The following NSMAF variants were observed in gnomAD, a reference collection of about 807,000 sequenced individuals.
NSMAF encodes protein FAN.
NSMAF carries 90 observed loss-of-function variants against 134.9 expected under a neutral mutation model. The ratio of observed to expected loss-of-function variants is 0.67; its 90% confidence interval spans 0.56 to 0.79. NSMAF has a LOEUF of 0.79. Ranked by LOEUF, NSMAF falls within the 30% of genes least tolerant of loss-of-function variation. The pLI is 0.00. For synonymous variants in NSMAF, 358 were observed against 389.6 expected (o/e 0.92, Z 0.96); for missense variants, 1,010 against 1,119.0 (o/e 0.90, Z 1.39).
In NSMAF at chr8:58,586,008, A is replaced by G; in HGVS notation, c.2447-8T>C. 2 of 1,595,848 alleles carry G rather than the reference A, an allele frequency of 1.3e-6. No homozygotes were observed. Among genetic ancestry groups the G allele is most frequent in the Non-Finnish European group, 1.7e-6 (2 of 1,163,698 alleles). On this transcript the variant is annotated splice_region_variant and splice_polypyrimidine_tract_variant and intron_variant, in intron 28 of 30. Transcript: ENST00000038176. The stretch of plus-strand genomic sequence containing the variant: ...TGAGGACATGGCGACTATCTGCAAC[A>G]CAAGGTGAGACTCAGATATGAGTGA...
chr8:58,657,079 C>A (rs1807732929), intron 1 of NSMAF, among the ~76,000 whole-genome samples: 1 of 152,160 alleles, frequency 6.6e-6, no homozygotes, highest in Non-Finnish European at 1.5e-5. Context: ...ATACACCACA[C>A]CAAGACCTGT....
At chr8:58,606,964 G>A (rs1806423746) in intron 11 of NSMAF, among the ~76,000 whole-genome samples, 1 of 152,194 alleles carries the variant, frequency 6.6e-6, no homozygotes, top group Non-Finnish European at 1.5e-5. Context: ...CCCAAAAGAG[G>A]AGATTTTTAA....
rs1806840147 is a variant in NSMAF at position 58,623,490 on chromosome 8, A to G, written c.457-66T>C. 3.4e-6 allele frequency: 5 copies of G among 1,487,054 alleles called. No individual in the cohort carries two copies. The South Asian group carries it at 5.8e-5, about 17-fold the overall frequency. The allele number at this position is 1,487,054 out of a possible 1,614,324, so 92.1% of individuals were successfully genotyped here. A position where few individuals can be genotyped will look rare whatever the true frequency, so the allele number is the denominator to read the frequency against. The stretch of plus-strand genomic sequence containing the variant: ...AGATGATATGAAGTATTTCTTTAGA[A>G]GCAATGAGAAACAGCAATCATTCTG... On this transcript the variant is annotated intron_variant, in intron 7 of 30. Coordinates refer to ENST00000038176, the MANE Select transcript of NSMAF (RefSeq NM_003580.4).
At chr8:58,604,312 G>A (rs1463516744) in intron 12 of NSMAF, among the ~76,000 whole-genome samples, 7 of 151,966 alleles carry the variant, frequency 4.6e-5, no homozygotes, top group Admixed American at 1.3e-4. Context: ...GGATATTTTA[G>A]ATCATGGCAA....
Position 58,597,498 on chromosome 8 carries a change from C to T in NSMAF, c.1681G>A (p.Gly561Arg), listed in dbSNP as rs750611167. The change falls in exon 21 of 31, where the codon GGG becomes AGG. Residue 561 changes from glycine (G) to arginine (R), a missense_variant. By Grantham distance (125) the Gly-to-Arg change is moderately radical (BLOSUM62 -2). Coordinates refer to ENST00000038176, the MANE Select transcript of NSMAF (RefSeq NM_003580.4). The part of the protein sequence containing the change: ...VAMLTQILEF[G>R]QTPKQLFVTP... ...ACAAATAGTTGTTTTGGTGTCTGCC[C>T]AAATTCCAAGATTTGCGTAAGCATG... 5 of 1,614,154 alleles carry T rather than the reference C, an allele frequency of 3.1e-6. No individual in the cohort carries two copies. Among genetic ancestry groups the T allele is most frequent in the South Asian group, 1.1e-5 (1 of 91,080 alleles).
At chr8:58,637,332 G>T (rs1393847347) in intron 2 of NSMAF, 2 of 456,076 alleles carry the variant, frequency 4.4e-6, no homozygotes, top group African/African-American at 4.0e-5. Context: ...CTTTCAGTGG[G>T]AAGTGGTATT....
intron 1 of NSMAF, among the ~76,000 whole-genome samples, chr8:58,652,137 G>A (rs1199190277): frequency 6.6e-6 from 1 of 151,910 alleles, no homozygotes; most frequent in South Asian, 2.1e-4. Flanking sequence ...TTAGCTTTAG[G>A]AAGCTCAAGC....
At chr8:58,623,316 A>T in intron 8 of NSMAF, 44 bp from the exon 9 acceptor site, 1 of 1,601,184 alleles carries the variant, frequency 6.2e-7, no homozygotes, top group Non-Finnish European at 8.6e-7. Context: ...AAGTATTTAT[A>T]AGTAAAATAT....
intron 9 of NSMAF, among the ~76,000 whole-genome samples, chr8:58,611,282 C>A (rs1461685012): frequency 6.6e-6 from 1 of 152,156 alleles, no homozygotes; most frequent in Non-Finnish European, 1.5e-5. Flanking sequence ...TGGCTCACAC[C>A]TGTAATCCCA....
rs930766414 is a variant in NSMAF, at chr8:58,585,510, A to G, written c.2659+142T>C. ...CGAGATGCAGATCACCTGGCCAATC[A>G]AGAGGCTCCAGGGACATGTTTACGA... On this transcript the variant is annotated intron_variant, in intron 30 of 30. Transcript: ENST00000038176. The G allele has an allele frequency of 8.0e-6, 5 of 623,108 alleles. No individual in the cohort carries two copies. In the Admixed American group the frequency reaches 1.4e-4, roughly 18 times the overall value. 38.6% of individuals were successfully genotyped at this position (623,108 alleles called of 1,614,324 possible).
intron 6 of NSMAF, among the ~76,000 whole-genome samples, chr8:58,625,410 G>GTATGTATGTATGTATGTATT: frequency 6.6e-6 from 1 of 152,104 alleles, no homozygotes. Flanking sequence ...ATGTATGTAT[G>GTATGTATGTATGTATGTATT]TATGTATATA....
intron 9 of NSMAF, among the ~76,000 whole-genome samples, chr8:58,619,019 G>A (rs1176983202): frequency 6.6e-6 from 1 of 152,112 alleles, no homozygotes; most frequent in Non-Finnish European, 1.5e-5. Flanking sequence ...GCCCAGAATT[G>A]AAGTCTAAAT....
intron 1 of NSMAF, among the ~76,000 whole-genome samples, chr8:58,647,180 C>T (rs1807476212): frequency 1.3e-5 from 2 of 152,200 alleles, no homozygotes; most frequent in African/African-American, 4.8e-5. Context: ...ATGACACTTT[C>T]GTGATGTGTG....
intron 9 of NSMAF, 54 bp downstream of exon 9, chr8:58,623,166 A>T: frequency 7.5e-7 from 1 of 1,331,878 alleles, no homozygotes; most frequent in Non-Finnish European, 1.1e-6. Flanking sequence ...AATGAGGCAT[A>T]CAGATGAAAA....
intron 6 of NSMAF, among the ~76,000 whole-genome samples, chr8:58,625,394 A>ATATCTATGTATGTATGTATG (rs145506455): frequency 6.6e-6 from 1 of 151,534 alleles, no homozygotes; most frequent in African/African-American, 2.4e-5. Context: ...ATGTATATGC[A>ATATCTATGTATGTATGTATG]TATGTATGTA....
intron 5 of NSMAF, among the ~76,000 whole-genome samples, chr8:58,632,558 C>T (rs1351131875): frequency 2.0e-5 from 3 of 151,984 alleles, no homozygotes; most frequent in African/African-American, 2.4e-5. Context: ...CTACTCCTTC[C>T]GTCTACTTTT....
chr8:58,599,367 T>A lies in NSMAF; in HGVS notation c.1454-4A>T, dbSNP rs1312407306. 5 of 1,613,434 alleles carry A rather than the reference T, an allele frequency of 3.1e-6. No homozygotes were observed. Among genetic ancestry groups the A allele is most frequent in the Non-Finnish European group, 4.2e-6 (5 of 1,179,868 alleles). ...TTCTGGAGAAAGTCCTCGGGACCTA[T>A]TAGATTAGACTCAATCGAAAAATCA... On this transcript the variant is annotated splice_polypyrimidine_tract_variant and splice_region_variant and intron_variant, in intron 18 of 30. Coordinates refer to ENST00000038176, the MANE Select transcript of NSMAF (RefSeq NM_003580.4).
chr8:58,587,756 T>C (rs1805924292), intron 26 of NSMAF, 55 bp from the exon 27 acceptor site: 1 of 1,476,218 alleles, frequency 6.8e-7, no homozygotes, highest in African/African-American at 1.4e-5. Context: ...AAAAGTCATT[T>C]TCTAGTGCAT....
At chr8:58,596,109 G>T (rs894425487) in intron 21 of NSMAF, among the ~76,000 whole-genome samples, 3 of 152,180 alleles carry the variant, frequency 2.0e-5, no homozygotes, top group African/African-American at 7.2e-5. Flanking sequence ...TTTAAGAAGG[G>T]CTGAAACAAT....
Sources: allele counts gnomAD v4.1 joint callset (sites outside exome capture counted in the v4.1 genomes callset), GRCh38; gene constraint gnomAD v4.1.1; transcripts MANE v1.5; gene names NCBI Gene and HGNC (gene_info 2026-07-23, HGNC 2026-07-21).